The following SLC8A1 variants were observed in gnomAD, a reference collection of about 807,000 sequenced individuals.
SLC8A1 encodes the protein sodium/calcium exchanger 1.
A neutral mutation model predicts 68.3 loss-of-function variants in SLC8A1; 18 were observed. That is an observed-to-expected ratio of 0.26 (90% CI 0.18 to 0.39). The LOEUF is 0.39. Ranked by LOEUF, SLC8A1 falls within the 10% of genes least tolerant of loss-of-function variation. The pLI is 1.00. For synonymous variants in SLC8A1, 475 were observed against 415.5 expected (o/e 1.14, Z -1.74); for missense variants, 985 against 1,156.7 (o/e 0.85, Z 2.15).
intron 2 of SLC8A1, among the ~76,000 whole-genome samples, chr2:40,313,846 T>A (rs1467856551): frequency 1.3e-5 from 2 of 152,146 alleles, no homozygotes; most frequent in African/African-American, 4.8e-5. Context: ...TAGTGAAATA[T>A]CTGCTCAAAT....
At chr2:40,451,650 C>A (rs571827787) in intron 1 of SLC8A1, among the ~76,000 whole-genome samples, 12 of 152,098 alleles carry the variant, frequency 7.9e-5, no homozygotes, top group Admixed American at 5.2e-4. Flanking sequence ...CAGGCAGGCA[C>A]CCTCACGCCC....
chr2:40,461,994 A>G (rs1198569800), intron 1 of SLC8A1, among the ~76,000 whole-genome samples: 10 of 95,068 alleles, frequency 1.1e-4, no homozygotes, highest in African/African-American at 4.0e-4. Flanking sequence ...TTTAAAGTAA[A>G]ATCCTCCTTT....
intron 1 of SLC8A1, among the ~76,000 whole-genome samples, chr2:40,508,202 A>G (rs1342790181): frequency 1.3e-5 from 2 of 152,056 alleles, no homozygotes; most frequent in Non-Finnish European, 2.9e-5. Flanking sequence ...AATAGAGTAC[A>G]TATTCAATGG....
intron 2 of SLC8A1, among the ~76,000 whole-genome samples, chr2:40,362,075 A>G (rs1674798654): frequency 1.3e-5 from 2 of 150,882 alleles, no homozygotes; most frequent in Middle Eastern, 3.4e-3. Context: ...CTGTATTTTT[A>G]GTAGAGATGG....
chr2:40,224,352 G>A (rs1558831400), intron 2 of SLC8A1, among the ~76,000 whole-genome samples: 1 of 152,090 alleles, frequency 6.6e-6, no homozygotes, highest in Admixed American at 6.5e-5. Flanking sequence ...CTTGGAATCT[G>A]CTCAACGCTA....
intron 2 of SLC8A1, among the ~76,000 whole-genome samples, chr2:40,268,974 A>T (rs1486661248): frequency 6.6e-6 from 1 of 152,220 alleles, no homozygotes; most frequent in African/African-American, 2.4e-5. Flanking sequence ...CACAATTCAG[A>T]GAACATAAGG....
chr2:40,133,399 G>C (rs975157247), intron 7 of SLC8A1, among the ~76,000 whole-genome samples: 2 of 151,322 alleles, frequency 1.3e-5, no homozygotes, highest in African/African-American at 2.4e-5. Context: ...ATTGGGGGGG[G>C]GGGGGGTGGA....
In SLC8A1 at chr2:40,408,914, A is replaced by G. The variant is rs534687263; in HGVS notation, c.1808+19559T>C. Among the ~76,000 whole-genome samples the G allele has an allele frequency of 7.9e-5, 12 of 152,316 alleles. No homozygotes were observed. In the South Asian group the frequency reaches 2.5e-3, roughly 32 times the overall value. On this transcript the variant is annotated intron_variant, in intron 2 of 7. Transcript: ENST00000406785. ...AAATATAGCCATAAGAACCATAGAA[A>G]AATGGAACAAAAGAAAGATAAGAGA...
intron 2 of SLC8A1, among the ~76,000 whole-genome samples, chr2:40,272,088 G>A (rs550491571): frequency 1.7e-4 from 26 of 152,048 alleles, no homozygotes; most frequent in South Asian, 4.2e-4. Flanking sequence ...TGGCTGGCCC[G>A]GAACGCCTGG....
At chr2:40,134,929 A>G (rs927198134) in intron 7 of SLC8A1, among the ~76,000 whole-genome samples, 6 of 152,270 alleles carry the variant, frequency 3.9e-5, no homozygotes, top group African/African-American at 1.2e-4. Context: ...GAGTGAAATA[A>G]TACATAAGAA....
chr2:40,509,876 T>A (rs59420415), intron 1 of SLC8A1, among the ~76,000 whole-genome samples: 4,497 of 152,110 alleles, frequency 0.03, 165 homozygotes, highest in Admixed American at 0.099. Context: ...AGTGGCATGA[T>A]CTCGGCTCAA....
chr2:40,230,464 G>T (rs537063199), intron 2 of SLC8A1, among the ~76,000 whole-genome samples: 22 of 152,202 alleles, frequency 1.4e-4, no homozygotes, highest in African/African-American at 4.6e-4. Context: ...AGTGAGAAAT[G>T]CTGCTTAGAT....
intron 2 of SLC8A1, among the ~76,000 whole-genome samples, chr2:40,245,393 A>C (rs976227668): frequency 5.3e-5 from 8 of 152,214 alleles, no homozygotes; most frequent in African/African-American, 1.9e-4. Flanking sequence ...CAAAATTCAC[A>C]GTGAAAGGCC....
intron 2 of SLC8A1, among the ~76,000 whole-genome samples, chr2:40,228,310 T>C (rs759706703): frequency 6.6e-6 from 1 of 152,192 alleles, no homozygotes; most frequent in Non-Finnish European, 1.5e-5. Flanking sequence ...AAGAATCAAA[T>C]ATGCTTATGT....
At chr2:40,327,138 G>A (rs1294360529) in intron 2 of SLC8A1, among the ~76,000 whole-genome samples, 1 of 152,068 alleles carries the variant, frequency 6.6e-6, no homozygotes, top group Non-Finnish European at 1.5e-5. Context: ...TTTCTCATAT[G>A]CATGTTATAC....
At chr2:40,178,214 G>A (rs1415702357) in intron 2 of SLC8A1, among the ~76,000 whole-genome samples, 173 bp downstream of exon 3, 4 of 152,170 alleles carry the variant, frequency 2.6e-5, no homozygotes, top group Admixed American at 2.6e-4. Context: ...CGCACCTAAC[G>A]CTGGCTGATG....
At chr2:40,391,339 G>A (rs1685205700) in intron 2 of SLC8A1, among the ~76,000 whole-genome samples, 1 of 151,932 alleles carries the variant, frequency 6.6e-6, no homozygotes, top group Admixed American at 6.6e-5. Flanking sequence ...GGGACATAAA[G>A]GGATTTGAAT....
chr2:40,485,743 C>G (rs1704927776), intron 1 of SLC8A1, among the ~76,000 whole-genome samples: 1 of 152,104 alleles, frequency 6.6e-6, no homozygotes, highest in African/African-American at 2.4e-5. Flanking sequence ...AAGAAGACAA[C>G]TTTAGTAACA....
intron 1 of SLC8A1, among the ~76,000 whole-genome samples, chr2:40,482,089 G>T (rs1310170176): frequency 6.6e-6 from 1 of 152,138 alleles, no homozygotes; most frequent in Non-Finnish European, 1.5e-5. Context: ...TTTTATTGTG[G>T]TAAGAATGCT....
Sources: gnomAD v4.1 joint callset for allele counts (sites outside exome capture counted in the v4.1 genomes callset) on GRCh38, gnomAD v4.1.1 for gene constraint, MANE v1.5 for transcripts, NCBI Gene and HGNC (gene_info 2026-07-23, HGNC 2026-07-21) for gene names.